The following ZNF250 variants were observed in gnomAD, a reference collection of about 807,000 sequenced individuals.
ZNF250 encodes the protein zinc finger protein (clone 647).
A neutral mutation model predicts 37.1 loss-of-function variants in ZNF250; 13 were observed. The observed-to-expected ratio is 0.35, with a 90% CI of 0.23 to 0.56. ZNF250 has a LOEUF of 0.56. Among genes scored for constraint, ZNF250 ranks in the 20% least tolerant of loss-of-function variants. ZNF250 has a pLI of 0.87. For missense variants in ZNF250, 474 were observed against 697.9 expected (o/e 0.68, Z 3.61); for synonymous variants, 251 against 265.6 (o/e 0.94, Z 0.54).
In ZNF250 at chr8:144,881,355, G is replaced by A. The variant is rs1490748099; in HGVS notation, c.*160C>T. On this transcript the variant is annotated 3_prime_UTR_variant, in exon 6 of 6. Coordinates refer to ENST00000417550, the MANE Select transcript of ZNF250 (RefSeq NM_001109689.4). ...AGGTAGTCTCTGAAGTTTTTCCACA[G>A]GAACAGCACGCTAAGTGCTTCTTTC... 9.1e-7 allele frequency: 1 copy of A among 1,097,910 alleles called. No individual in the cohort carries two copies. The highest frequency in any genetic ancestry group is 2.7e-5 in the East Asian group (1 of 36,590). The allele number at this position is 1,097,910 out of a possible 1,614,324, so 68.0% of individuals were successfully genotyped here. A position where few individuals can be genotyped will look rare whatever the true frequency, so the allele number is the denominator to read the frequency against.
At position 144,881,653 on chromosome 8, in the gene ZNF250, G is replaced by T; in HGVS notation, c.1530C>A (p.Ala510=). 1 of 1,613,998 alleles carries T rather than the reference G, an allele frequency of 6.2e-7. No individual in the cohort carries two copies. The highest frequency in any genetic ancestry group is 8.5e-7 in the Non-Finnish European group (1 of 1,179,958). ...GGATGAGCACTGAGTACTGGCTGAA[G>T]GCCTTCCCGCAGCTATTGCACTCAT... ...KPYECNSCGK[A]FSQYSVLIQH... The change falls in exon 6 of 6, where the codon GCC becomes GCA. Residue 510 remains alanine, a synonymous_variant. Transcript: ENST00000417550.
At chr8:144,899,999 A>G (rs893984126) in intron 1 of ZNF250, among the ~76,000 whole-genome samples, 2 of 152,274 alleles carry the variant, frequency 1.3e-5, no homozygotes, top group Non-Finnish European at 2.9e-5. Flanking sequence ...GAAAAAGCCC[A>G]AACCAGAATC....
chr8:144,877,212 A>G lies in ZNF250; in HGVS notation c.*4303T>C, dbSNP rs1831182075. On this transcript the variant is annotated 3_prime_UTR_variant, in exon 6 of 6. Transcript: ENST00000417550. Reference sequence around the variant, plus strand: ...ATCAATCCTCCCACCTTAGCCTCCCACGTATCTGGGACTACAGGCGCAAGC... The same window carrying G: ...ATCAATCCTCCCACCTTAGCCTCCCGCGTATCTGGGACTACAGGCGCAAGC... 6.6e-6 allele frequency: 1 copy of G among 151,858 alleles called. No individual in the cohort carries two copies. Among genetic ancestry groups the G allele is most frequent in the Non-Finnish European group, 1.5e-5 (1 of 67,970 alleles). The allele number at this position is 151,858 out of a possible 1,614,324, so 9.4% of individuals were successfully genotyped here.
rs1347903139 is a variant in ZNF250 at position 144,897,604 on chromosome 8, C to T, written c.-55+3795G>A. On this transcript the variant is annotated intron_variant, in intron 1 of 5. Coordinates refer to ENST00000417550, the MANE Select transcript of ZNF250 (RefSeq NM_001109689.4). The surrounding 1 kb of genome is among the most constrained non-coding windows in gnomAD (Gnocchi z 5.2). ...GGTCGGGGAGACCCTAACCCAGCGG[C>T]GCTAGAGGAATTAAAGACACACACA... Among the ~76,000 whole-genome samples the T allele has an allele frequency of 2.0e-5, 3 of 152,050 alleles. No individual in the cohort carries two copies. Among genetic ancestry groups the T allele is most frequent in the Non-Finnish European group, 4.4e-5 (3 of 68,028 alleles).
rs1586878183 is a variant in ZNF250 at position 144,878,118 on chromosome 8, G to C, written c.*3397C>G. 1 of 152,278 alleles carries C rather than the reference G, an allele frequency of 6.6e-6. No individual in the cohort carries two copies. Among genetic ancestry groups the C allele is most frequent in the East Asian group, 1.9e-4 (1 of 5,184 alleles). 9.4% of individuals were successfully genotyped at this position (152,278 alleles called of 1,614,324 possible). A position where few individuals can be genotyped will look rare whatever the true frequency, so the allele number is the denominator to read the frequency against. On this transcript the variant is annotated 3_prime_UTR_variant, in exon 6 of 6. Transcript: ENST00000417550. Reference sequence around the variant, plus strand: ...ATATTGAGGTGACCTCAGGTTTCTGGACTTTCATCTCAGTGATCTCATCTA... The same window carrying C: ...ATATTGAGGTGACCTCAGGTTTCTGCACTTTCATCTCAGTGATCTCATCTA...
rs1328634560 is a variant in ZNF250 at position 144,890,431 on chromosome 8, G to A, written c.-54-28C>T. 2 of 1,358,630 alleles carry A rather than the reference G, an allele frequency of 1.5e-6. No individual in the cohort carries two copies. Among genetic ancestry groups the A allele is most frequent in the Admixed American group, 5.9e-5 (2 of 34,060 alleles). The allele number at this position is 1,358,630 out of a possible 1,614,324, so 84.2% of individuals were successfully genotyped here. On this transcript the variant is annotated intron_variant, in intron 1 of 5. Transcript: ENST00000417550. This position sits in a 1 kb window ranked among gnomAD's most constrained non-coding sequence, Gnocchi z 5.1. ...GAGGAAGAGGAGGGGGCAAGTGAGG[G>A]GCATGGCCTTGAGACCGTAACTTCC...
At chr8:144,900,333 G>A (rs1282106286) in intron 1 of ZNF250, among the ~76,000 whole-genome samples, 2 of 152,110 alleles carry the variant, frequency 1.3e-5, no homozygotes, top group Non-Finnish European at 2.9e-5. Context: ...CCACCCGGCG[G>A]AGGACGAGTG....
chr8:144,881,466 G>T lies in ZNF250; in HGVS notation c.*49C>A. The T allele has an allele frequency of 2.0e-6, 3 of 1,528,860 alleles. No homozygotes were observed. The highest frequency in any genetic ancestry group is 1.8e-6 in the Non-Finnish European group (2 of 1,137,334). The allele number at this position is 1,528,860 out of a possible 1,614,324, so 94.7% of individuals were successfully genotyped here. A position where few individuals can be genotyped will look rare whatever the true frequency, so the allele number is the denominator to read the frequency against. On this transcript the variant is annotated 3_prime_UTR_variant, in exon 6 of 6. Transcript: ENST00000417550. ...TTCTCTTGGGCTGAAGGCTGCTTGTGGTTCCACATGCAGTTTCTGTGAGAA... is the reference window on the plus strand; with the variant it reads ...TTCTCTTGGGCTGAAGGCTGCTTGTTGTTCCACATGCAGTTTCTGTGAGAA...
rs1384326639 is a variant in ZNF250, at chr8:144,882,406, A to G, written c.777T>C (p.Phe259=). 1 of 1,613,538 alleles carries G rather than the reference A, an allele frequency of 6.2e-7. No individual in the cohort carries two copies. Among genetic ancestry groups the G allele is most frequent in the South Asian group, 1.1e-5 (1 of 91,024 alleles). ...GCTGAGCAAGATCTGAGCTCACTCT[A>G]AAGGCTTTTCCACACTCATTACACT... The part of the protein sequence containing the change: ...PYECNECGKA[F]RVSSDLAQHH... The change falls in exon 6 of 6, where the codon TTT becomes TTC. Residue 259 remains phenylalanine, a synonymous_variant. Transcript: ENST00000417550. This position sits in a 1 kb window ranked among gnomAD's most constrained non-coding sequence, Gnocchi z 5.5.
chr8:144,892,387 C>T (rs754088025), intron 1 of ZNF250, among the ~76,000 whole-genome samples: 17 of 152,108 alleles, frequency 1.1e-4, no homozygotes, highest in Admixed American at 2.6e-4. Flanking sequence ...GGTAGGAAGC[C>T]GCTGCAATTA....
rs2735905 is a variant in ZNF250 at position 144,890,976 on chromosome 8, A to G, written c.-54-573T>C. On this transcript the variant is annotated intron_variant, in intron 1 of 5. Transcript: ENST00000417550. This position sits in a 1 kb window ranked among gnomAD's most constrained non-coding sequence, Gnocchi z 5.1. ...GCATGGAAGTGGTCAGTTCTGGACA[A>G]ACTGAGTCAACAGTGGCCTAGGGAT... Among the ~76,000 whole-genome samples, 4,042 of 152,262 alleles carry G rather than the reference A, an allele frequency of 0.027. 231 individuals carry two copies. Among genetic ancestry groups the G allele is most frequent in the East Asian group, 0.22 (1,140 of 5,156 alleles).
At chr8:144,898,201 G>A (rs2129899186) in intron 1 of ZNF250, among the ~76,000 whole-genome samples, 1 of 152,260 alleles carries the variant, frequency 6.6e-6, no homozygotes, top group East Asian at 1.9e-4. Context: ...CAAGGCTGAG[G>A]CATGAGAATT....
intron 1 of ZNF250, among the ~76,000 whole-genome samples, chr8:144,892,616 G>A (rs750498494): frequency 1.3e-5 from 2 of 151,926 alleles, no homozygotes; most frequent in South Asian, 2.1e-4. Context: ...ATGCAACGGC[G>A]AGATCTCGGC....
In ZNF250 at chr8:144,880,985, G is replaced by C. The variant is rs1252073229; in HGVS notation, c.*530C>G. Reference sequence around the variant, plus strand: ...TTAGGATGGAAATCCACACACTTAGGATTTCCAACCATTTTACATGATGCT... The same window carrying C: ...TTAGGATGGAAATCCACACACTTAGCATTTCCAACCATTTTACATGATGCT... On this transcript the variant is annotated 3_prime_UTR_variant, in exon 6 of 6. Transcript: ENST00000417550. 1 of 158,520 alleles carries C rather than the reference G, an allele frequency of 6.3e-6. No homozygotes were observed. The highest frequency in any genetic ancestry group is 2.4e-5 in the African/African-American group (1 of 41,438). The allele number at this position is 158,520 out of a possible 1,614,324, so 9.8% of individuals were successfully genotyped here.
At position 144,891,678 on chromosome 8, in the gene ZNF250, C is replaced by T. The variant is rs368208430; in HGVS notation, c.-54-1275G>A. Among the ~76,000 whole-genome samples the T allele has an allele frequency of 7.2e-5, 11 of 152,262 alleles. No individual in the cohort carries two copies. The South Asian group carries it at 1.2e-3, about 17-fold the overall frequency. ...ACCAGCCATGACCAACATGGGGAAA[C>T]CCCGTCTCTACTAAAAACACAAAAT... On this transcript the variant is annotated intron_variant, in intron 1 of 5. Coordinates refer to ENST00000417550, the MANE Select transcript of ZNF250 (RefSeq NM_001109689.4). The surrounding 1 kb of genome is among the most constrained non-coding windows in gnomAD (Gnocchi z 4.0).
chr8:144,882,747 A>C lies in ZNF250; in HGVS notation c.436T>G (p.Leu146Val). 1 of 1,614,004 alleles carries C rather than the reference A, an allele frequency of 6.2e-7. No individual in the cohort carries two copies. Among genetic ancestry groups the C allele is most frequent in the Non-Finnish European group, 8.5e-7 (1 of 1,179,878 alleles). ...EQTVILGKTP[L>V]GRIDQENNET... ...TTATTTTCTTGATCAATCCTCCCCA[A>C]GGGTGTTTTCCCCAGAATCACTGTT... The change falls in exon 6 of 6, where the codon TTG becomes GTG. Residue 146 changes from leucine to valine, a missense_variant. Around this residue, in one of 2 missense-constraint regions of ZNF250, gnomAD observed 192 missense variants for 227.5 expected, o/e 0.84. Coordinates refer to ENST00000417550, the MANE Select transcript of ZNF250 (RefSeq NM_001109689.4). The surrounding 1 kb of genome is among the most constrained non-coding windows in gnomAD (Gnocchi z 5.5).
chr8:144,884,649 T>TA (rs913926212), intron 5 of ZNF250, among the ~76,000 whole-genome samples: 13 of 152,340 alleles, frequency 8.5e-5, no homozygotes, highest in African/African-American at 2.4e-4. Flanking sequence ...CCTTGCTGTA[T>TA]ACATATGCAA....
chr8:144,884,395 G>A (rs1831723168), intron 5 of ZNF250, among the ~76,000 whole-genome samples: 1 of 152,180 alleles, frequency 6.6e-6, no homozygotes, highest in Admixed American at 6.5e-5. Context: ...GGGATTACAG[G>A]CACATGCCAC....
At chr8:144,895,508 G>A (rs558015589) in intron 1 of ZNF250, among the ~76,000 whole-genome samples, 2 of 152,310 alleles carry the variant, frequency 1.3e-5, no homozygotes, top group East Asian at 3.9e-4. Flanking sequence ...GCTTGGCTCA[G>A]AGGAGGATGC....
Sources: allele counts gnomAD v4.1 joint callset (sites outside exome capture counted in the v4.1 genomes callset), GRCh38; gene constraint gnomAD v4.1.1; regional missense constraint gnomAD v4.1.1; non-coding constraint Gnocchi (gnomAD v3.1); transcripts MANE v1.5; gene names NCBI Gene and HGNC (gene_info 2026-07-23, HGNC 2026-07-21).